Variants in PLEC observed in about 807,000 individuals in gnomAD.
PLEC encodes hemidesmosomal protein 1.
In PLEC, 216 loss-of-function variants were observed where a neutral mutation model predicts 392.8. That is an observed-to-expected ratio of 0.55 (90% CI 0.49 to 0.62). The LOEUF (loss-of-function observed/expected upper bound fraction) is 0.62, where lower values mean the gene tolerates loss of function less well. Among genes scored for constraint, PLEC ranks in the 20% least tolerant of loss-of-function variants. The pLI is 0.00. For synonymous variants in PLEC, 3,621 were observed against 2,980.6 expected, an observed-to-expected ratio of 1.21 and a Z score of -7.00; for missense variants, 6,863 against 6,563.4, an observed-to-expected ratio of 1.05 and a Z score of -1.58.
chr8:143,946,773 A>G (rs967067029), intron 1 of PLEC, among the ~76,000 whole-genome samples: 2 of 16,720 alleles, frequency 1.2e-4, no homozygotes, highest in Admixed American at 8.4e-4. Context: ...TCCCACCCAC[A>G]TTCCAGGCAT....
At chr8:143,974,555 C>T (rs1329482680), upstream of PLEC, among the ~76,000 whole-genome samples, 1 of 152,238 alleles carries the variant, frequency 6.6e-6, no homozygotes, top group Non-Finnish European at 1.5e-5. This position sits in a 1 kb window ranked among gnomAD's most constrained non-coding sequence, Gnocchi z 5.9. Flanking sequence ...AGCACCTGGC[C>T]TTGCAGCCCT....
In PLEC at chr8:143,935,877, G is replaced by A. The variant is rs1554722773; in HGVS notation, c.573C>T (p.Arg191=). The A allele has an allele frequency of 3.7e-6, 6 of 1,612,918 alleles. No homozygotes were observed. The South Asian group carries it at 6.6e-5, about 18-fold the overall frequency. ...DNFTSSWRDG[R]LFNAIIHRHK... is the part of the protein sequence containing the mutation. ...GCCGGTGGATGATGGCATTGAAGAG[G>A]CGGCCGTCTCTCCAGCTGGAGGTGA... The change falls in exon 6 of 32, where the codon CGC becomes CGT. Residue 191 remains arginine (R), a synonymous_variant. Transcript: ENST00000345136.
Position 143,960,854 on chromosome 8 carries a change from C to T in PLEC, c.70+12549G>A, listed in dbSNP as rs540190369. 2.6e-5 allele frequency among the ~76,000 whole-genome samples: 4 copies of T among 152,336 alleles called. No individual in the cohort carries two copies. In the South Asian group the frequency reaches 8.3e-4, roughly 32 times the overall value. ...TTCTTTACAGAAAATCAAGCAAATA[C>T]CATGTGATTCTTGGTTTTCTTCCTT... On this transcript the variant is annotated intron_variant, in intron 1 of 31. Transcript: ENST00000356346.
Position 143,934,005 on chromosome 8 carries a change from A to AGCAGG in PLEC, c.1251_1255dup (p.Leu419ProfsTer32). The AGCAGG allele has an allele frequency of 6.2e-7, 1 of 1,609,318 alleles. No individual in the cohort carries two copies. The highest frequency in any genetic ancestry group is 8.5e-7 in the Non-Finnish European group (1 of 1,178,306). ...TGCCCCACACCCCCTCACCGACTGC[A>AGCAGG]GCAGGGCGTCGGCCTGGTTCAGCTG... On this transcript the variant is annotated frameshift_variant, in exon 12 of 32. Coordinates refer to ENST00000345136, the MANE Select transcript of PLEC (RefSeq NM_201384.3). LOFTEE classifies it high-confidence loss of function.
chr8:143,965,510 C>G (rs1390844302), intron 1 of PLEC, among the ~76,000 whole-genome samples: 1 of 152,232 alleles, frequency 6.6e-6, no homozygotes, highest in Non-Finnish European at 1.5e-5. Context: ...CTCCCAGCCC[C>G]GCATCTCCCT....
At chr8:143,942,309 G>A (rs1830634214), upstream of PLEC, 3 of 1,534,288 alleles carry the variant, frequency 2.0e-6, no homozygotes, top group East Asian at 4.6e-5. Flanking sequence ...AGCCCAGGCG[G>A]CGGTTCCCAG....
At chr8:143,968,529 CAAAA>C (rs57468544) in intron 1 of PLEC, among the ~76,000 whole-genome samples, 2 of 63,708 alleles carry the variant, frequency 3.1e-5, no homozygotes, top group South Asian at 6.3e-4. Flanking sequence ...AACTCCATCT[CAAAA>C]AAAAAAAAAA....
At position 143,923,173 on chromosome 8, in the gene PLEC, G is replaced by A. The variant is rs372201917; in HGVS notation, c.6756C>T (p.Arg2252=). 6.1e-5 allele frequency: 97 copies of A among 1,602,408 alleles called. 1 individual carries two copies. Among genetic ancestry groups the A allele is most frequent in the East Asian group, 5.4e-4 (24 of 44,850 alleles). ...TGTCCTTGTCACGCAAGATGAGTGC[G>A]CGGTTCTCAGCCTCGATGCGTGCCT... The part of the protein sequence containing the change: ...KLKARIEAEN[R]ALILRDKDNT... Residue 2252 remains arginine, a synonymous_variant, in exon 31 of 32, where the codon CGC becomes CGT. Coordinates refer to ENST00000345136, the MANE Select transcript of PLEC (RefSeq NM_201384.3).
chr8:143,959,125 G>GT (rs1317279291), intron 1 of PLEC, among the ~76,000 whole-genome samples: 1 of 152,242 alleles, frequency 6.6e-6, no homozygotes. Flanking sequence ...GGGAGGGCGT[G>GT]TGAGGGTGAA....
chr8:143,928,053 G>T, intron 25 of PLEC, 61 bp from the exon 26 acceptor site: 1 of 1,528,334 alleles, frequency 6.5e-7, no homozygotes. Context: ...CCAAGGGAAT[G>T]GAACCCAAGC....
In PLEC at chr8:143,924,949, G is replaced by A. The variant is rs199612329; in HGVS notation, c.4980C>T (p.Ala1660=). The A allele has an allele frequency of 2.6e-4, 408 of 1,580,782 alleles. No homozygotes were observed. The African/African-American group carries it at 3.4e-3, about 13-fold the overall frequency. Residue 1660 remains alanine (A), a synonymous_variant, in exon 31 of 32, where the codon GCC becomes GCT. Transcript: ENST00000345136. ...CCTCCTCCTTCTGCTTCTCAGCCTCGGCCTGCGCCAGGCTCTTCTGCTGCG... is the reference window on the plus strand; with the variant it reads ...CCTCCTCCTTCTGCTTCTCAGCCTCAGCCTGCGCCAGGCTCTTCTGCTGCG... ...EVAQQKSLAQ[A]EAEKQKEEAE...
intron 1 of PLEC, among the ~76,000 whole-genome samples, chr8:143,961,220 C>T (rs1170659911): frequency 6.8e-6 from 1 of 147,764 alleles, no homozygotes; most frequent in Non-Finnish European, 1.5e-5. Flanking sequence ...ACCACTTGAC[C>T]CAGAAATTCC....
Position 143,925,636 on chromosome 8 carries a change from C to T in PLEC, c.4293G>A (p.Ala1431=), listed in dbSNP as rs782198489. Residue 1431 remains alanine, a synonymous_variant, in exon 31 of 32, where the codon GCG becomes GCA. Transcript: ENST00000345136. ...ELQQLRQSSE[A]EIQAKARQAE... ...CCTGCCGGGCCTTGGCCTGGATCTC[C>T]GCCTCCGAGCTCTGCCGCAGCTGCT... 74 of 1,582,876 alleles carry T rather than the reference C, an allele frequency of 4.7e-5. No individual in the cohort carries two copies. Among genetic ancestry groups the T allele is most frequent in the African/African-American group, 6.7e-5 (5 of 74,476 alleles).
upstream of PLEC, chr8:143,943,705 G>C: frequency 1.5e-6 from 2 of 1,377,242 alleles, no homozygotes; most frequent in Non-Finnish European, 2.0e-6. Flanking sequence ...GGAGGGCGCA[G>C]GGAATGAAGG....
rs537470086 is a variant in PLEC at position 143,937,888 on chromosome 8, C to T, written c.264+263G>A. On this transcript the variant is annotated intron_variant, in intron 3 of 31. Transcript: ENST00000345136. Reference sequence around the variant, plus strand: ...AGCGGAGCATGAGGTTACTGTGTCCCGACGCGGAGGGCGGCAAGGCCCAGA... The same window carrying T: ...AGCGGAGCATGAGGTTACTGTGTCCTGACGCGGAGGGCGGCAAGGCCCAGA... 1.2e-4 allele frequency: 77 copies of T among 635,068 alleles called. 2 individuals carry two copies. Among genetic ancestry groups the T allele is most frequent in the South Asian group, 7.1e-4 (45 of 63,082 alleles). The allele number at this position is 635,068 out of a possible 1,614,324, so 39.3% of individuals were successfully genotyped here.
rs560030098 is a variant in PLEC, at chr8:143,922,029, G to A, written c.7792C>T (p.Leu2598=). 16 of 1,596,798 alleles carry A rather than the reference G, an allele frequency of 1.0e-5. No individual in the cohort carries two copies. The African/African-American group carries it at 1.9e-4, about 19-fold the overall frequency. ...CGGTGCTGCTCCTCCAGGAGCTGCAGCTGCTCACGCAGCCTCTGGTTCTCC... is the reference window on the plus strand; with the variant it reads ...CGGTGCTGCTCCTCCAGGAGCTGCAACTGCTCACGCAGCCTCTGGTTCTCC... The part of the protein sequence containing the change: ...AEENQRLREQ[L]QLLEEQHRAA... The change falls in exon 32 of 32, where the codon CTG becomes TTG. Residue 2598 remains leucine, a synonymous_variant. Transcript: ENST00000345136.
In PLEC at chr8:143,933,010, G is replaced by A; in HGVS notation, c.1520C>T (p.Thr507Ile). ...GGGGCGCCTCTGCACACTCTGCAGA[G>A]TCACCTGGGCCACCTGGGTTGCAGG... Reference protein sequence around the residue: ...AAPATQVAQVTLQSVQRRPEL... With the variant: ...AAPATQVAQVILQSVQRRPEL... The change falls in exon 14 of 32, where the codon ACT (threonine) becomes ATT (isoleucine). Residue 507 changes from threonine to isoleucine, a missense_variant. By Grantham distance (89) the Thr-to-Ile change is moderately conservative (BLOSUM62 -1). Coordinates refer to ENST00000345136, the MANE Select transcript of PLEC (RefSeq NM_201384.3). The A allele has an allele frequency of 6.2e-7, 1 of 1,606,370 alleles. No homozygotes were observed. The highest frequency in any genetic ancestry group is 8.5e-7 in the Non-Finnish European group (1 of 1,177,430).
chr8:143,925,854 G>A lies in PLEC; in HGVS notation c.4075C>T (p.Arg1359Cys), dbSNP rs541323979. The change falls in exon 31 of 32, where the codon CGC (arginine) becomes TGC (cysteine). Residue 1359 changes from arginine (R) to cysteine (C), a missense_variant. Transcript: ENST00000345136. Reference sequence around the variant, plus strand: ...GCCTCCACCTCGGCCAGCCGCTCGCGCTCCTCTGCCCGCTGCTGCTCAGCC... The same window carrying A: ...GCCTCCACCTCGGCCAGCCGCTCGCACTCCTCTGCCCGCTGCTGCTCAGCC... ...RLAEQQRAEE[R>C]ERLAEVEAAL... The A allele has an allele frequency of 9.9e-5, 154 of 1,549,096 alleles. No individual in the cohort carries two copies. The highest frequency in any genetic ancestry group is 1.2e-4 in the Non-Finnish European group (141 of 1,154,220).
upstream of PLEC, among the ~76,000 whole-genome samples, chr8:143,941,479 A>ACGGACT (rs2132420559): frequency 6.6e-6 from 1 of 151,836 alleles, no homozygotes; most frequent in East Asian, 2.0e-4. Flanking sequence ...GACTCCAGAC[A>ACGGACT]CGGACTCGGG....
Sources: allele counts gnomAD v4.1 joint callset (sites outside exome capture counted in the v4.1 genomes callset), GRCh38; gene constraint gnomAD v4.1.1; non-coding constraint Gnocchi (gnomAD v3.1); transcripts MANE v1.5; gene names NCBI Gene and HGNC (gene_info 2026-07-23, HGNC 2026-07-21).